The following MTA3 variants were observed in gnomAD, a reference collection of about 807,000 sequenced individuals.
The protein encoded by MTA3 is metastasis associated 1 family member 3, also known as metastasis-associated protein MTA3.
Under a neutral mutation model 83.5 loss-of-function variants are expected in MTA3, and 34 were observed. The ratio of observed to expected loss-of-function variants is 0.41; its 90% CI spans 0.31 to 0.54. MTA3 has a LOEUF of 0.54. Ranked by LOEUF, MTA3 falls within the 20% of genes least tolerant of loss-of-function variation. MTA3 has a pLI of 0.33. For missense variants in MTA3, 761 were observed against 726.4 expected (o/e 1.05, Z -0.55); for synonymous variants, 303 against 252.7 (o/e 1.20, Z -1.89).
chr2:42,622,831 C>T (rs1339715082), intron 4 of MTA3, among the ~76,000 whole-genome samples: 2 of 151,944 alleles, frequency 1.3e-5, no homozygotes, highest in African/African-American at 2.4e-5. Context: ...TTTTGAGAAG[C>T]GTTGACAAAG....
intron 4 of MTA3, among the ~76,000 whole-genome samples, chr2:42,616,169 C>G (rs1035715013): frequency 6.6e-6 from 1 of 152,212 alleles, no homozygotes; most frequent in African/African-American, 2.4e-5. Context: ...AAGCGATTCT[C>G]CCACCTCAGC....
intron 2 of MTA3, among the ~76,000 whole-genome samples, chr2:42,553,121 T>C (rs762529332): frequency 1.3e-5 from 2 of 150,954 alleles, no homozygotes; most frequent in East Asian, 2.0e-4. Context: ...TACAAAAAAA[T>C]TTTTAAAAAA....
chr2:42,690,606 A>T (rs1198625701), intron 9 of MTA3, among the ~76,000 whole-genome samples: 1 of 148,264 alleles, frequency 6.7e-6, no homozygotes, highest in Non-Finnish European at 1.5e-5. Context: ...TTCTTTTTTT[A>T]ATTTTTATTT....
chr2:42,748,365 A>G (rs145943455), intron 16 of MTA3, among the ~76,000 whole-genome samples: 137 of 152,046 alleles, frequency 9.0e-4, no homozygotes, highest in Middle Eastern at 6.8e-3. Flanking sequence ...TGCCCGGCCT[A>G]TTTTCTAGAA....
intron 4 of MTA3, among the ~76,000 whole-genome samples, chr2:42,639,055 C>G (rs1364680093): frequency 6.7e-6 from 1 of 148,324 alleles, no homozygotes; most frequent in Non-Finnish European, 1.5e-5. Context: ...AGCTTGCTTT[C>G]TTTCTTTCTT....
chr2:42,650,154 C>T (rs777756272), intron 6 of MTA3, among the ~76,000 whole-genome samples: 18 of 152,132 alleles, frequency 1.2e-4, no homozygotes, highest in Non-Finnish European at 2.4e-4. Context: ...TGATTGCCAT[C>T]ATATAAAATA....
chr2:42,706,527 A>G (rs1429601729), intron 12 of MTA3, among the ~76,000 whole-genome samples: 1 of 152,202 alleles, frequency 6.6e-6, no homozygotes, highest in Non-Finnish European at 1.5e-5. Context: ...TTGGTTTGTG[A>G]AGTGTTAGTT....
At chr2:42,612,194 A>G (rs994904636) in intron 4 of MTA3, among the ~76,000 whole-genome samples, 1 of 152,064 alleles carries the variant, frequency 6.6e-6, no homozygotes, top group Non-Finnish European at 1.5e-5. Flanking sequence ...TGTGTAACTA[A>G]TGATGCTAAA....
At chr2:42,722,203 T>C (rs1221405424) in intron 15 of MTA3, among the ~76,000 whole-genome samples, 1 of 152,234 alleles carries the variant, frequency 6.6e-6, no homozygotes, top group Non-Finnish European at 1.5e-5. Flanking sequence ...TTACAGTTTC[T>C]GTCCATCTAC....
chr2:42,513,229 T>G (rs1388773156), intron 2 of MTA3, among the ~76,000 whole-genome samples: 2 of 152,226 alleles, frequency 1.3e-5, no homozygotes, highest in African/African-American at 4.8e-5. Context: ...TAAACTATAG[T>G]GATTTATTCT....
chr2:42,710,816 C>T (rs1013422287), intron 14 of MTA3, among the ~76,000 whole-genome samples: 2 of 151,968 alleles, frequency 1.3e-5, no homozygotes, highest in East Asian at 1.9e-4. Context: ...CGGTGGCTTA[C>T]GCCTGTAATC....
intron 8 of MTA3, among the ~76,000 whole-genome samples, chr2:42,667,916 A>T (rs1690438697): frequency 6.6e-6 from 1 of 152,202 alleles, no homozygotes; most frequent in South Asian, 2.1e-4. Flanking sequence ...CCTGCTATGA[A>T]CAAAGGTGTA....
chr2:42,524,629 C>T (rs1246140882), intron 2 of MTA3, among the ~76,000 whole-genome samples: 1 of 151,708 alleles, frequency 6.6e-6, no homozygotes, highest in East Asian at 1.9e-4. Flanking sequence ...CCGCCAGCTG[C>T]AACCATTATT....
rs1344757164 is a variant in MTA3, at chr2:42,508,645, G to C, written c.-141+13391G>C. ...ACTGCACCCAGCCTAGACTTTGAAT[G>C]ATTATGATGTGCCAATAACGTAGTT... On this transcript the variant is annotated intron_variant, in intron 2 of 17. Coordinates refer to the MTA3 transcript ENST00000405592. Among the ~76,000 whole-genome samples, 8 of 151,396 alleles carry C rather than the reference G, an allele frequency of 5.3e-5. No individual in the cohort carries two copies. In the East Asian group the frequency reaches 1.5e-3, roughly 29 times the overall value.
chr2:42,554,062 C>T (rs1220299561), intron 2 of MTA3, among the ~76,000 whole-genome samples: 3 of 151,864 alleles, frequency 2.0e-5, no homozygotes, highest in African/African-American at 7.3e-5. Flanking sequence ...GGAGAAACTC[C>T]GTCTCTACCA....
chr2:42,607,637 C>G (rs763470718), intron 3 of MTA3, among the ~76,000 whole-genome samples: 34 of 152,182 alleles, frequency 2.2e-4, no homozygotes, highest in Non-Finnish European at 7.3e-5. Flanking sequence ...AGCCATCACA[C>G]CTGGCCTGTC....
At position 42,579,092 on chromosome 2, in the gene MTA3, T is replaced by A; in HGVS notation, c.97-15T>A. Reference sequence around the variant, plus strand: ...ATATTCAGTGCAAATGACTTTTATTTTTCTTATCTCTTAGACTGCAAGTGG... The same window carrying A: ...ATATTCAGTGCAAATGACTTTTATTATTCTTATCTCTTAGACTGCAAGTGG... On this transcript the variant is annotated splice_polypyrimidine_tract_variant and intron_variant, in intron 2 of 16. Coordinates refer to ENST00000405094, the MANE Select transcript of MTA3 (RefSeq NM_001330442.2). The A allele has an allele frequency of 6.4e-7, 1 of 1,564,420 alleles. No individual in the cohort carries two copies. Among genetic ancestry groups the A allele is most frequent in the Middle Eastern group, 1.7e-4 (1 of 5,734 alleles).
chr2:42,593,027 C>T (rs1681223241), intron 3 of MTA3, among the ~76,000 whole-genome samples: 1 of 151,872 alleles, frequency 6.6e-6, no homozygotes, highest in Admixed American at 6.6e-5. Context: ...GTGGCATGGG[C>T]CTGTAATCGC....
rs530455192 is a variant in MTA3 at position 42,714,352 on chromosome 2, A to AT, written c.1526-4627dup. On this transcript the variant is annotated intron_variant, in intron 14 of 16. Coordinates refer to ENST00000405094, the MANE Select transcript of MTA3 (RefSeq NM_001330442.2). ...ACTTTATGGTGTATTTGCCAAGCAGATTTTTTTTTAAAAAAAGACATATTA... is the reference window on the plus strand; with the variant it reads ...ACTTTATGGTGTATTTGCCAAGCAGATTTTTTTTTTAAAAAAAGACATATTA... Among the ~76,000 whole-genome samples the AT allele has an allele frequency of 6.3e-4, 96 of 151,618 alleles. 3 individuals are homozygous for AT. In the South Asian group the frequency reaches 0.01, roughly 16 times the overall value.
Sources: allele counts gnomAD v4.1 joint callset (sites outside exome capture counted in the v4.1 genomes callset), GRCh38; gene constraint gnomAD v4.1.1; transcripts MANE v1.5; gene names NCBI Gene and HGNC (gene_info 2026-07-23, HGNC 2026-07-21).